Variants in RXFP1 observed in about 807,000 individuals in gnomAD.
RXFP1 encodes the protein relaxin family peptide receptor 1.
RXFP1 carries 73 observed loss-of-function variants against 89.8 expected under a neutral mutation model. That is an observed-to-expected ratio of 0.81 (90% confidence interval 0.67 to 0.99). The LOEUF (loss-of-function observed/expected upper bound fraction) is 0.99. RXFP1 is among the 50% of genes least tolerant of loss of function. The pLI, the probability that RXFP1 is intolerant of heterozygous loss-of-function variation, is 0.00. For missense variants in RXFP1, 793 were observed against 895.5 expected (o/e 0.89, Z 1.46); for synonymous variants, 277 against 305.5 (o/e 0.91, Z 0.97).
chr4:158,546,599 G>C lies in RXFP1; in HGVS notation c.49+24574G>C, dbSNP rs1242877499. On this transcript the variant is annotated intron_variant, in intron 1 of 17. Transcript: ENST00000307765. ...ATTGGCTGTGGGTTTGTCATAGATA[G>C]CTCTTATTATTTTGAGATACATCCC... Among the ~76,000 whole-genome samples, 3 of 152,112 alleles carry C rather than the reference G, an allele frequency of 2.0e-5. No homozygotes were observed. The East Asian group carries it at 5.8e-4, about 29-fold the overall frequency.
chr4:158,545,991 T>G (rs1748259702), intron 1 of RXFP1, among the ~76,000 whole-genome samples: 1 of 152,204 alleles, frequency 6.6e-6, no homozygotes, highest in Non-Finnish European at 1.5e-5. Context: ...GTGAAGAAAG[T>G]CATTGGTAGC....
intron 17 of RXFP1, among the ~76,000 whole-genome samples, chr4:158,651,178 A>C (rs1772649750): frequency 6.6e-6 from 1 of 152,166 alleles, no homozygotes; most frequent in South Asian, 2.1e-4. Context: ...AATTATAATC[A>C]AATCAGAGTA....
chr4:158,614,380 A>C (rs1425938573), intron 8 of RXFP1, among the ~76,000 whole-genome samples: 1 of 152,202 alleles, frequency 6.6e-6, no homozygotes, highest in African/African-American at 2.4e-5. Context: ...AGGTTGTTTC[A>C]TCTACATTGA....
At chr4:158,560,880 C>T (rs755036086) in intron 1 of RXFP1, among the ~76,000 whole-genome samples, 18 of 152,264 alleles carry the variant, frequency 1.2e-4, no homozygotes, top group African/African-American at 3.9e-4. Flanking sequence ...ACCAAGAAGC[C>T]GGCCAGCTGG....
In RXFP1 at chr4:158,551,707, G is replaced by A. The variant is rs371459932; in HGVS notation, c.50-20991G>A. Among the ~76,000 whole-genome samples, 3 of 152,142 alleles carry A rather than the reference G, an allele frequency of 2.0e-5. No individual in the cohort carries two copies. In the South Asian group the frequency reaches 6.2e-4, roughly 32 times the overall value. On this transcript the variant is annotated intron_variant, in intron 1 of 17. Transcript: ENST00000307765. ...TGTAATCCCAGCACTTTGAGCGGCCGAGGTGAAAGTATGCTTGATCCCAGG... is the reference window on the plus strand; with the variant it reads ...TGTAATCCCAGCACTTTGAGCGGCCAAGGTGAAAGTATGCTTGATCCCAGG...
intron 1 of RXFP1, among the ~76,000 whole-genome samples, chr4:158,532,322 A>G (rs1268509037): frequency 1.3e-5 from 2 of 151,808 alleles, no homozygotes; most frequent in Non-Finnish European, 2.9e-5. Context: ...TCTTTATCTT[A>G]TCTACCATTG....
intron 15 of RXFP1, among the ~76,000 whole-genome samples, chr4:158,645,473 A>G (rs1422059492): frequency 6.6e-6 from 1 of 152,188 alleles, no homozygotes; most frequent in African/African-American, 2.4e-5. Context: ...TATGGTCACA[A>G]TTTTACATGC....
intron 9 of RXFP1, among the ~76,000 whole-genome samples, chr4:158,623,156 T>C (rs1185938341): frequency 1.3e-5 from 2 of 151,996 alleles, no homozygotes; most frequent in Non-Finnish European, 2.9e-5. Context: ...GAAATTAATA[T>C]AGCAACCAAA....
intron 12 of RXFP1, among the ~76,000 whole-genome samples, chr4:158,636,506 C>T (rs1239401744): frequency 6.6e-6 from 1 of 152,166 alleles, no homozygotes; most frequent in Non-Finnish European, 1.5e-5. Context: ...CAGTCTATCA[C>T]TACCGTAATC....
At chr4:158,584,513 A>T (rs1021382974) in intron 2 of RXFP1, among the ~76,000 whole-genome samples, 2 of 152,188 alleles carry the variant, frequency 1.3e-5, no homozygotes, top group African/African-American at 4.8e-5. Flanking sequence ...ATCAATAAGC[A>T]TGTACACTTA....
chr4:158,571,112 T>C (rs1754971349), intron 1 of RXFP1, among the ~76,000 whole-genome samples: 1 of 152,252 alleles, frequency 6.6e-6, no homozygotes, highest in African/African-American at 2.4e-5. Context: ...TCACCTGTTT[T>C]CTTTCTTTTT....
In RXFP1 at chr4:158,542,094, TATATATATATATA is replaced by T. The variant is rs1560973153; in HGVS notation, c.49+20070_49+20082del. The stretch of plus-strand genomic sequence containing the variant: ...GCCACCATGGCTATATATATATATA[TATATATATATATA>T]TATTTTTTTTTTAGTAGAGACAGGG... On this transcript the variant is annotated intron_variant, in intron 1 of 17. Transcript: ENST00000307765. Among the ~76,000 whole-genome samples, 6 of 40,030 alleles carry T rather than the reference TATATATATATATA, an allele frequency of 1.5e-4. No individual in the cohort carries two copies. In the East Asian group the frequency reaches 3.8e-3, roughly 25 times the overall value. 26.3% of individuals were successfully genotyped at this position (40,030 alleles called of 152,430 possible).
At chr4:158,616,251 A>G (rs900959125) in intron 8 of RXFP1, among the ~76,000 whole-genome samples, 3 of 151,880 alleles carry the variant, frequency 2.0e-5, no homozygotes, top group Admixed American at 1.3e-4. Flanking sequence ...GTGAAACCCC[A>G]TCTCCACTAA....
chr4:158,535,849 C>T (rs1026310330), intron 1 of RXFP1, among the ~76,000 whole-genome samples: 2 of 152,148 alleles, frequency 1.3e-5, no homozygotes, highest in Middle Eastern at 3.2e-3. Flanking sequence ...ATCTAGTCTG[C>T]GTTGTGTTTT....
intron 2 of RXFP1, among the ~76,000 whole-genome samples, chr4:158,576,016 T>A (rs1220531407): frequency 6.6e-6 from 1 of 152,238 alleles, no homozygotes; most frequent in East Asian, 1.9e-4. Context: ...CCATGATGCC[T>A]GGGACCTTGT....
chr4:158,651,945 A>T lies in RXFP1; in HGVS notation c.2164A>T (p.Met722Leu). 2.5e-6 allele frequency: 4 copies of T among 1,614,208 alleles called. No homozygotes were observed. Among genetic ancestry groups the T allele is most frequent in the Non-Finnish European group, 3.4e-6 (4 of 1,180,022 alleles). The part of the protein sequence containing the change: ...TYAPSFIWVE[M>L]WPLQEMPPEL... The stretch of plus-strand genomic sequence containing the variant: ...TGCTCCATCATTCATCTGGGTGGAA[A>T]TGTGGCCACTGCAGGAGATGCCACC... The change falls in exon 18 of 18, where the codon ATG (methionine) becomes TTG (leucine). Residue 722 changes from methionine (M) to leucine (L), a missense_variant. Transcript: ENST00000307765.
At chr4:158,534,398 C>A (rs1744792593) in intron 1 of RXFP1, among the ~76,000 whole-genome samples, 1 of 152,036 alleles carries the variant, frequency 6.6e-6, no homozygotes, top group African/African-American at 2.4e-5. Flanking sequence ...CAGGCATGCA[C>A]CACCACACCC....
intron 1 of RXFP1, among the ~76,000 whole-genome samples, chr4:158,550,145 G>A (rs985261017): frequency 1.3e-5 from 2 of 152,228 alleles, no homozygotes; most frequent in African/African-American, 2.4e-5. Context: ...TCAAGCCTGG[G>A]CAATGGCAGG....
chr4:158,644,570 G>A (rs549373453), intron 14 of RXFP1, among the ~76,000 whole-genome samples: 24 of 152,278 alleles, frequency 1.6e-4, no homozygotes, highest in African/African-American at 5.8e-4. Context: ...CTGTGTAACT[G>A]CATTTACGTA....
Sources: allele counts gnomAD v4.1 joint callset (sites outside exome capture counted in the v4.1 genomes callset), GRCh38; gene constraint gnomAD v4.1.1; transcripts MANE v1.5; gene names NCBI Gene and HGNC (gene_info 2026-07-23, HGNC 2026-07-21).